The following GNE variants were observed in gnomAD, a reference collection of about 807,000 sequenced individuals.
The protein encoded by GNE is bifunctional UDP-N-acetylglucosamine 2-epimerase/N-acetylmannosamine kinase.
GNE carries 41 observed loss-of-function variants against 61.8 expected under a neutral mutation model. That is an observed-to-expected ratio of 0.66 (90% confidence interval 0.52 to 0.86). GNE has a LOEUF of 0.86. Ranked by LOEUF, GNE falls within the 40% of genes least tolerant of loss-of-function variation. The pLI, the probability that GNE is intolerant of heterozygous loss-of-function variation, is 0.00. For synonymous variants in GNE, 264 were observed against 326.4 expected (o/e 0.81, Z 2.06); for missense variants, 608 against 909.1 (o/e 0.67, Z 4.26).
rs1299121269 is a variant in GNE, at chr9:36,217,209, C to G, written c.*156G>C. ...CAAAAATAGGAGTGGGGAAAGGTGA[C>G]TCTGGAAGAGGAGACCAAAAGTGAA... On this transcript the variant is annotated 3_prime_UTR_variant, in exon 12 of 12. Coordinates refer to ENST00000642385, the MANE Select transcript of GNE (RefSeq NM_005476.7). The G allele has an allele frequency of 4.4e-6, 3 of 680,182 alleles. No homozygotes were observed. In the African/African-American group the frequency reaches 5.3e-5, roughly 12 times the overall value. The allele number at this position is 680,182 out of a possible 1,614,324, so 42.1% of individuals were successfully genotyped here. A position where few individuals can be genotyped will look rare whatever the true frequency, so the allele number is the denominator to read the frequency against.
upstream of GNE, among the ~76,000 whole-genome samples, chr9:36,260,692 A>AC (rs1830581992): frequency 6.6e-6 from 1 of 151,722 alleles, no homozygotes. Context: ...ACATGGTGAA[A>AC]CCCCATCTCT....
chr9:36,259,054 T>C (rs1158692746), upstream of GNE, among the ~76,000 whole-genome samples: 1 of 152,158 alleles, frequency 6.6e-6, no homozygotes, highest in Non-Finnish European at 1.5e-5. Context: ...GTAAAGGGCT[T>C]GCGCAGCTCC....
chr9:36,228,270 T>C (rs571228932), intron 6 of GNE, among the ~76,000 whole-genome samples: 1 of 152,030 alleles, frequency 6.6e-6, no homozygotes, highest in African/African-American at 2.4e-5. Flanking sequence ...TTTTTGCTTT[T>C]TTTAGTTTTT....
At chr9:36,222,010 T>G (rs1005765166) in intron 9 of GNE, among the ~76,000 whole-genome samples, 1 of 152,166 alleles carries the variant, frequency 6.6e-6, no homozygotes, top group Admixed American at 6.5e-5. Context: ...AAATTGTGGT[T>G]GTTTGTTTTG....
At chr9:36,228,750 C>T (rs564617894) in intron 6 of GNE, among the ~76,000 whole-genome samples, 3 of 143,962 alleles carry the variant, frequency 2.1e-5, no homozygotes, top group East Asian at 2.0e-4. Context: ...GCTGAGATGG[C>T]GCCACTGCAC....
chr9:36,253,807 G>A lies in GNE; in HGVS notation c.-42-4410C>T, dbSNP rs1428317742. Among the ~76,000 whole-genome samples, 14 of 151,496 alleles carry A rather than the reference G, an allele frequency of 9.2e-5. 1 individual carries two copies. Among genetic ancestry groups the A allele is most frequent in the Admixed American group, 7.9e-4 (12 of 15,154 alleles). On this transcript the variant is annotated intron_variant, in intron 1 of 11. Transcript: ENST00000642385. ...AATCCCAGCACTTTGGGAGGCTGAGGTGGGCGGATCACCTGAGGTCACGAG... is the reference window on the plus strand; with the variant it reads ...AATCCCAGCACTTTGGGAGGCTGAGATGGGCGGATCACCTGAGGTCACGAG...
At position 36,222,909 on chromosome 9, in the gene GNE, T is replaced by C; in HGVS notation, c.1501A>G (p.Arg501Gly). The change falls in exon 9 of 12, where the codon AGG (arginine) becomes GGG (glycine). Residue 501 changes from arginine to glycine, a missense_variant. Arg to Gly is a moderately radical substitution (Grantham distance 125). Coordinates refer to ENST00000642385, the MANE Select transcript of GNE (RefSeq NM_005476.7). ...LIQEWNSVDLRTPLSDTLHLP... is the reference protein window; with the variant it reads ...LIQEWNSVDLGTPLSDTLHLP... ...TGCAAAGTGTCAGAAAGGGGGGTCC[T>C]AAGGTCCACAGAGTTCCACTCTTGG... The C allele has an allele frequency of 6.2e-7, 1 of 1,614,182 alleles. No homozygotes were observed. The highest frequency in any genetic ancestry group is 8.5e-7 in the Non-Finnish European group (1 of 1,180,014).
intron 1 of GNE, among the ~76,000 whole-genome samples, chr9:36,267,426 G>T (rs1282454548): frequency 6.6e-6 from 1 of 152,218 alleles, no homozygotes; most frequent in African/African-American, 2.4e-5. Context: ...GCTGAGTGCG[G>T]TGGCTCATGC....
chr9:36,270,172 A>G (rs34418415), intron 1 of GNE, among the ~76,000 whole-genome samples: 20,327 of 152,064 alleles, frequency 0.13, 2,155 homozygotes, highest in African/African-American at 0.28. Context: ...TTTGTTGCCC[A>G]GGCTGGTATC....
chr9:36,244,578 C>T (rs2068300899), intron 3 of GNE, among the ~76,000 whole-genome samples: 1 of 152,098 alleles, frequency 6.6e-6, no homozygotes, highest in South Asian at 2.1e-4. Flanking sequence ...TTAATAAGTA[C>T]TTATGGCTTA....
At chr9:36,233,302 A>G (rs901092176) in intron 5 of GNE, among the ~76,000 whole-genome samples, 4 of 152,230 alleles carry the variant, frequency 2.6e-5, no homozygotes, top group Non-Finnish European at 4.4e-5. Context: ...AAAATAAAAG[A>G]CTAGCATTCA....
intron 3 of GNE, among the ~76,000 whole-genome samples, chr9:36,244,164 ATGTTGCCCAGGCTGGCCTT>A (rs1563945096): frequency 3.3e-4 from 50 of 151,982 alleles, no homozygotes; most frequent in African/African-American, 1.1e-3. Flanking sequence ...GCGTCTTGCT[ATGTTGCCCAGGCTGGCCTT>A]GTAACTCCTA....
chr9:36,257,156 C>A (rs1303595140), intron 1 of GNE, among the ~76,000 whole-genome samples: 1 of 152,092 alleles, frequency 6.6e-6, no homozygotes, highest in Non-Finnish European at 1.5e-5. Context: ...AACCGAAAAT[C>A]AAACCCTTGT....
chr9:36,223,527 G>A lies in GNE; in HGVS notation c.1282-25C>T, dbSNP rs370415234. The stretch of plus-strand genomic sequence containing the variant: ...CCTAAAAGAGAAAACAACAAGTTCC[G>A]TCTTACTGGTCTTAGCTAAGCAGCA... On this transcript the variant is annotated intron_variant, in intron 7 of 11. Transcript: ENST00000642385. The A allele has an allele frequency of 1.1e-4, 182 of 1,603,958 alleles. 1 individual carries two copies. The African/African-American group carries it at 1.8e-3, about 16-fold the overall frequency.
At chr9:36,273,189 C>T (rs1024362489) in intron 1 of GNE, among the ~76,000 whole-genome samples, 1 of 151,024 alleles carries the variant, frequency 6.6e-6, no homozygotes, top group Non-Finnish European at 1.5e-5. Flanking sequence ...ATTGGAGACA[C>T]AAATTTGTGC....
chr9:36,225,767 C>A (rs1396872459), intron 7 of GNE, among the ~76,000 whole-genome samples: 1 of 152,106 alleles, frequency 6.6e-6, no homozygotes, highest in Admixed American at 6.6e-5. Context: ...CATAGGAAGA[C>A]CTTGTCTCTA....
At chr9:36,271,967 C>G (rs1371670673) in intron 1 of GNE, among the ~76,000 whole-genome samples, 1 of 152,154 alleles carries the variant, frequency 6.6e-6, no homozygotes, top group African/African-American at 2.4e-5. Flanking sequence ...CCAAAGATTC[C>G]TAGCCATCCT....
chr9:36,256,823 T>A (rs1349238144), intron 1 of GNE, among the ~76,000 whole-genome samples: 4 of 152,192 alleles, frequency 2.6e-5, no homozygotes, highest in African/African-American at 9.7e-5. Flanking sequence ...ATGTATTAAC[T>A]CATTTCATCC....
rs1828459332 is a variant in GNE, at chr9:36,218,934, T to C, written c.1817-635A>G. Reference sequence around the variant, plus strand: ...AAATGCTCAGTAAGCAGCAGGTATTTCTGTGGTTATCTGTAGTCCTTGTCT... The same window carrying C: ...AAATGCTCAGTAAGCAGCAGGTATTCCTGTGGTTATCTGTAGTCCTTGTCT... On this transcript the variant is annotated intron_variant, in intron 10 of 11. Coordinates refer to ENST00000642385, the MANE Select transcript of GNE (RefSeq NM_005476.7). The surrounding 1 kb of genome is among the most constrained non-coding windows in gnomAD (Gnocchi z 4.1). Among the ~76,000 whole-genome samples the C allele has an allele frequency of 6.6e-6, 1 of 152,256 alleles. No homozygotes were observed. The highest frequency in any genetic ancestry group is 2.1e-4 in the South Asian group (1 of 4,836).
Sources: allele counts gnomAD v4.1 joint callset (sites outside exome capture counted in the v4.1 genomes callset), GRCh38; gene constraint gnomAD v4.1.1; non-coding constraint Gnocchi (gnomAD v3.1); transcripts MANE v1.5; gene names NCBI Gene and HGNC (gene_info 2026-07-23, HGNC 2026-07-21).